Variants in TLR5 observed in about 807,000 individuals in gnomAD.
The protein encoded by TLR5 is toll-like receptor 5.
For synonymous variants in TLR5, 373 were observed against 384.4 expected (o/e 0.97, Z 0.35); for missense variants, 944 against 999.8 (o/e 0.94, Z 0.75).
At chr1:223,128,648 A>G (rs1657269624) in intron 5 of TLR5, 1 of 152,222 alleles carries the variant, frequency 6.6e-6, no homozygotes, top group South Asian at 2.1e-4. Context: ...ATGCATAAGT[A>G]ACAAAAGGAC....
At chr1:223,123,232 A>G (rs554319659) in intron 5 of TLR5, among the ~76,000 whole-genome samples, 1 of 152,196 alleles carries the variant, frequency 6.6e-6, no homozygotes, top group Non-Finnish European at 1.5e-5. Context: ...TGAGAATGCC[A>G]GCTCTGAAGA....
rs772640475 is a variant in TLR5 at position 223,112,134 on chromosome 1, C to A, written c.898G>T (p.Val300Phe). The change falls in exon 6 of 6, where the codon GTC (valine) becomes TTC (phenylalanine). Residue 300 changes from valine (V) to phenylalanine (F), a missense_variant. Transcript: ENST00000642603. ...AAGACTCGTGAGTTCAGGGAGAAGA[C>A]AAACCCATGTGAAAGATCCAGGTGT... ...VRHLDLSHGF[V>F]FSLNSRVFET... 1.9e-6 allele frequency: 3 copies of A among 1,614,222 alleles called. No homozygotes were observed. The highest frequency in any genetic ancestry group is 1.1e-5 in the South Asian group (1 of 91,084).
At position 223,129,829 on chromosome 1, in the gene TLR5, C is replaced by T. The variant is rs73118120; in HGVS notation, c.-5+2646G>A. Reference sequence around the variant, plus strand: ...ACACAGCGGGCTAAACGTCTGACAACTAACTACTGTTCTCTAAAGAGGACT... The same window carrying T: ...ACACAGCGGGCTAAACGTCTGACAATTAACTACTGTTCTCTAAAGAGGACT... On this transcript the variant is annotated intron_variant, in intron 5 of 5. Transcript: ENST00000642603. Among the ~76,000 whole-genome samples, 1,211 of 152,354 alleles carry T rather than the reference C, an allele frequency of 7.9e-3. 12 individuals carry two copies. Among genetic ancestry groups the T allele is most frequent in the African/African-American group, 0.028 (1,165 of 41,586 alleles).
rs1657386202 is a variant in TLR5, at chr1:223,131,284, C to T, written c.-5+1191G>A. Among the ~76,000 whole-genome samples, 1 of 152,222 alleles carries T rather than the reference C, an allele frequency of 6.6e-6. No individual in the cohort carries two copies. The highest frequency in any genetic ancestry group is 2.1e-4 in the South Asian group (1 of 4,838). The stretch of plus-strand genomic sequence containing the variant: ...TAGAGAGGCCCTCAGGGCTTGAACC[C>T]TTTCATTTCACAGAGCAGGAAACTC... On this transcript the variant is annotated intron_variant, in intron 5 of 5. Transcript: ENST00000642603. The surrounding 1 kb of genome is among the most constrained non-coding windows in gnomAD (Gnocchi z 4.2).
intron 4 of TLR5, among the ~76,000 whole-genome samples, 184 bp from the exon 5 acceptor site, chr1:223,132,823 G>A (rs1657448401): frequency 6.6e-6 from 1 of 152,230 alleles, no homozygotes; most frequent in South Asian, 2.1e-4. Context: ...AGAACACCAA[G>A]GTTGAAGTTG....
intron 2 of TLR5, among the ~76,000 whole-genome samples, chr1:223,140,322 G>C (rs1012099597): frequency 3.3e-5 from 5 of 152,140 alleles, no homozygotes; most frequent in Non-Finnish European, 5.9e-5. Flanking sequence ...CAAGGCAGGT[G>C]GATCACCTGA....
chr1:223,140,327 A>G (rs931925301), intron 2 of TLR5, among the ~76,000 whole-genome samples: 4 of 152,138 alleles, frequency 2.6e-5, no homozygotes, highest in African/African-American at 9.7e-5. Context: ...CAGGTGGATC[A>G]CCTGAGGTCA....
At chr1:223,141,822 T>TATATATATAGAGAGAG (rs1398290863) in intron 1 of TLR5, 59 bp from the exon 2 acceptor site, 1 of 42,990 alleles carries the variant, frequency 2.3e-5, no homozygotes, top group Admixed American at 3.1e-4. Flanking sequence ...TATATATATA[T>TATATATATAGAGAGAG]AGAGAGAGAG....
In TLR5 at chr1:223,138,751, ACACCATCTC is replaced by A. The variant is rs1657720118; in HGVS notation, c.-438-1497_-438-1489del. On this transcript the variant is annotated intron_variant, in intron 2 of 5. Transcript: ENST00000642603. ...GGCCAGGGAATCCTACACCTGCAGC[ACACCATCTC>A]CACCTGCCTCATAGGTTTGAAAAAA... Among the ~76,000 whole-genome samples the A allele has an allele frequency of 2.6e-5, 4 of 152,320 alleles. No individual in the cohort carries two copies. In the South Asian group the frequency reaches 8.3e-4, roughly 32 times the overall value.
chr1:223,124,844 T>G (rs1225919876), intron 5 of TLR5, among the ~76,000 whole-genome samples: 1 of 152,144 alleles, frequency 6.6e-6, no homozygotes, highest in East Asian at 1.9e-4. Flanking sequence ...CCTCAGGTGA[T>G]CCACCTGCCT....
chr1:223,124,806 G>A (rs2102905023), intron 5 of TLR5, among the ~76,000 whole-genome samples: 1 of 152,212 alleles, frequency 6.6e-6, no homozygotes, highest in South Asian at 2.1e-4. Flanking sequence ...CTTTCACCAT[G>A]TTGCACAGGC....
At chr1:223,117,057 A>G (rs1034127855) in intron 5 of TLR5, among the ~76,000 whole-genome samples, 1 of 152,090 alleles carries the variant, frequency 6.6e-6, no homozygotes, top group African/African-American at 2.4e-5. Flanking sequence ...AGCCCACCAC[A>G]GGGGGACTCG....
At chr1:223,116,195 C>T (rs1181192418) in intron 5 of TLR5, among the ~76,000 whole-genome samples, 1 of 152,224 alleles carries the variant, frequency 6.6e-6, no homozygotes, top group Non-Finnish European at 1.5e-5. Context: ...TTCCTGGTCT[C>T]ACTGACTTCA....
intron 5 of TLR5, among the ~76,000 whole-genome samples, chr1:223,121,426 G>A (rs955352829): frequency 2.0e-5 from 3 of 152,226 alleles, no homozygotes; most frequent in Non-Finnish European, 4.4e-5. Context: ...GAGAGGTAAA[G>A]CTTCCAGGTC....
chr1:223,141,552 C>T (rs1280059352), intron 2 of TLR5, 96 bp downstream of exon 2: 4 of 151,976 alleles, frequency 2.6e-5, no homozygotes, highest in African/African-American at 4.8e-5. Flanking sequence ...ACAGGCGGAT[C>T]ACCTGAGGTC....
chr1:223,112,211 A>T lies in TLR5; in HGVS notation c.821T>A (p.Ile274Asn). ...IMGAGFGFHNIKDPDQNTFAG... is the reference protein window; with the variant it reads ...IMGAGFGFHNNKDPDQNTFAG... ...AAATGTGTTCTGGTCAGGATCTTTGATGTTATGGAAGCCAAACCCGGCACC... is the reference window on the plus strand; with the variant it reads ...AAATGTGTTCTGGTCAGGATCTTTGTTGTTATGGAAGCCAAACCCGGCACC... Residue 274 changes from isoleucine to asparagine, a missense_variant, in exon 6 of 6, where the codon ATC becomes AAC. Ile to Asn is a moderately radical substitution (Grantham distance 149, BLOSUM62 -3). Transcript: ENST00000642603. 1 of 1,614,194 alleles carries T rather than the reference A, an allele frequency of 6.2e-7. No homozygotes were observed. The highest frequency in any genetic ancestry group is 8.5e-7 in the Non-Finnish European group (1 of 1,180,030).
intron 5 of TLR5, among the ~76,000 whole-genome samples, chr1:223,116,622 A>G (rs1656668950): frequency 2.0e-5 from 3 of 152,106 alleles, no homozygotes; most frequent in Admixed American, 1.3e-4. Flanking sequence ...TGGCCGCCGC[A>G]GCCTGCTTTT....
chr1:223,113,882 C>T (rs1033756062), intron 5 of TLR5, among the ~76,000 whole-genome samples: 10 of 152,182 alleles, frequency 6.6e-5, no homozygotes, highest in African/African-American at 2.4e-4. Context: ...TCACTTCAGC[C>T]GGGTACCCCG....
chr1:223,114,864 ATT>A (rs1163365224), intron 5 of TLR5, among the ~76,000 whole-genome samples: 1 of 152,090 alleles, frequency 6.6e-6, no homozygotes, highest in Non-Finnish European at 1.5e-5. Context: ...TTTAAACATC[ATT>A]CTTTTAAACA....
Sources: allele counts gnomAD v4.1 joint callset (sites outside exome capture counted in the v4.1 genomes callset), GRCh38; gene constraint gnomAD v4.1.1; non-coding constraint Gnocchi (gnomAD v3.1); transcripts MANE v1.5; gene names NCBI Gene and HGNC (gene_info 2026-07-23, HGNC 2026-07-21).